Variants in ESYT3 observed in about 807,000 individuals in gnomAD.
The protein encoded by ESYT3 is extended synaptotagmin-3.
A neutral mutation model predicts 111.5 loss-of-function variants in ESYT3; 101 were observed. That is an observed-to-expected ratio of 0.91 (90% CI 0.77 to 1.07). The LOEUF is 1.07. Ranked by LOEUF, ESYT3 falls within the 50% of genes least tolerant of loss-of-function variation. The pLI, the probability that ESYT3 is intolerant of heterozygous loss-of-function variation, is 0.00. For missense variants in ESYT3, 1,097 were observed against 1,109.4 expected, an observed-to-expected ratio of 0.99 and a Z score of 0.16; for synonymous variants, 416 against 446.8, an observed-to-expected ratio of 0.93 and a Z score of 0.87.
chr3:138,460,565 G>C (rs1259764881), intron 6 of ESYT3, 46 bp from the exon 7 acceptor site: 1 of 1,606,752 alleles, frequency 6.2e-7, no homozygotes, highest in Non-Finnish European at 8.5e-7. Flanking sequence ...CTCAGCCCTG[G>C]GCTCCCAACC....
At chr3:138,468,745 C>G (rs779585418) in intron 13 of ESYT3, 28 bp downstream of exon 13, 1 of 1,613,976 alleles carries the variant, frequency 6.2e-7, no homozygotes, top group South Asian at 1.1e-5. Flanking sequence ...CAGAGTGTCA[C>G]ACAAACGCAA....
chr3:138,439,152 A>T (rs1461206482), intron 1 of ESYT3, among the ~76,000 whole-genome samples: 1 of 152,178 alleles, frequency 6.6e-6, no homozygotes, highest in Non-Finnish European at 1.5e-5. Context: ...ACTGTTTGAA[A>T]AGCTGCTTGC....
At position 138,459,951 on chromosome 3, in the gene ESYT3, G is replaced by A. The variant is rs1236903342; in HGVS notation, c.655G>A (p.Gly219Ser). 3.1e-6 allele frequency: 5 copies of A among 1,613,940 alleles called. No individual in the cohort carries two copies. Reference protein sequence around the residue: ...QAGVNGIQLQGTLRVILEPLL... With the variant: ...QAGVNGIQLQSTLRVILEPLL... ...GCCCTCTGTGCCTATCCAGTTGCAG[G>A]GCACCCTGCGGGTCATCCTGGAGCC... Residue 219 changes from glycine (G) to serine (S), a missense_variant, in exon 6 of 23, where the codon GGC (glycine) becomes AGC (serine). Gly to Ser is a moderately conservative substitution (Grantham distance 56, BLOSUM62 0). Transcript: ENST00000389567.
At chr3:138,451,245 C>G (rs775902022) in intron 1 of ESYT3, among the ~76,000 whole-genome samples, 2 of 152,182 alleles carry the variant, frequency 1.3e-5, no homozygotes, top group Middle Eastern at 6.8e-3. Flanking sequence ...GTTGTGACCC[C>G]GTAGTTGGAA....
Position 138,470,897 on chromosome 3 carries a change from G to A in ESYT3, c.1611G>A (p.Glu537=). The A allele has an allele frequency of 6.2e-7, 1 of 1,614,166 alleles. No individual in the cohort carries two copies. The highest frequency in any genetic ancestry group is 8.5e-7 in the Non-Finnish European group (1 of 1,180,020). The change falls in exon 17 of 23, where the codon GAG becomes GAA. Residue 537 remains glutamate, a synonymous_variant. Transcript: ENST00000389567. ...CCCAGGTGCTTGATGATGACCAGGA[G>A]TGTGCTCTGGGAATGCTGGAGGTCC... ...LHLKVLDDDQ[E]CALGMLEVPL...
At chr3:138,461,507 C>T (rs1211740677) in intron 7 of ESYT3, among the ~76,000 whole-genome samples, 2 of 152,186 alleles carry the variant, frequency 1.3e-5, no homozygotes, top group African/African-American at 4.8e-5. Context: ...GGGAGGGCTG[C>T]TGACTCGCTC....
chr3:138,458,454 T>C (rs959245233), intron 4 of ESYT3, among the ~76,000 whole-genome samples: 3 of 152,200 alleles, frequency 2.0e-5, no homozygotes, highest in Admixed American at 6.5e-5. Flanking sequence ...GGGGTCCCCA[T>C]CTTCCCCGTC....
chr3:138,457,693 TG>T, intron 4 of ESYT3, 49 bp downstream of exon 4: 1 of 1,554,586 alleles, frequency 6.4e-7, no homozygotes, highest in Non-Finnish European at 8.9e-7. Context: ...GGGGACACAG[TG>T]GGAACAGCCA....
chr3:138,450,474 T>C (rs1275492105), intron 1 of ESYT3, among the ~76,000 whole-genome samples: 1 of 152,186 alleles, frequency 6.6e-6, no homozygotes, highest in Non-Finnish European at 1.5e-5. Flanking sequence ...CAGCTGCACC[T>C]CTGGGAACCA....
downstream of ESYT3, chr3:138,480,961 AG>A: frequency 6.6e-6 from 1 of 152,228 alleles, no homozygotes; most frequent in Non-Finnish European, 1.5e-5. Flanking sequence ...TTTATGACAG[AG>A]GTAGCACTGT....
At chr3:138,444,421 A>G (rs1171449454) in intron 1 of ESYT3, among the ~76,000 whole-genome samples, 2 of 152,242 alleles carry the variant, frequency 1.3e-5, no homozygotes, top group Non-Finnish European at 2.9e-5. Context: ...GTTCTCACCT[A>G]TAATACATCA....
intron 2 of ESYT3, among the ~76,000 whole-genome samples, chr3:138,452,585 C>T (rs1212638833): frequency 6.6e-6 from 1 of 152,184 alleles, no homozygotes; most frequent in Non-Finnish European, 1.5e-5. Flanking sequence ...CTGGGAACTC[C>T]CCTTGGGCTC....
Position 138,478,770 on chromosome 3 carries a change from C to G in ESYT3, c.*1916C>G, listed in dbSNP as rs1285924318. The G allele has an allele frequency of 6.6e-6, 1 of 152,096 alleles. No homozygotes were observed. The highest frequency in any genetic ancestry group is 1.5e-5 in the Non-Finnish European group (1 of 68,046). 9.4% of individuals were successfully genotyped at this position (152,096 alleles called of 1,614,324 possible). A position where few individuals can be genotyped will look rare whatever the true frequency, so the allele number is the denominator to read the frequency against. ...TAGGCGCTGTGTGAGGGGCAGGGAG[C>G]CTGAAAAGTTGTTAATACCTTGGCT... is the stretch of plus-strand genomic sequence containing the variant. On this transcript the variant is annotated 3_prime_UTR_variant, in exon 23 of 23. Coordinates refer to ENST00000389567, the MANE Select transcript of ESYT3 (RefSeq NM_031913.5).
chr3:138,465,121 C>T (rs1269430702), intron 9 of ESYT3, among the ~76,000 whole-genome samples: 1 of 152,196 alleles, frequency 6.6e-6, no homozygotes, highest in African/African-American at 2.4e-5. Context: ...CAGCCACTGT[C>T]CCCTGGGCAC....
At chr3:138,451,571 C>T (rs1462979487) in intron 1 of ESYT3, among the ~76,000 whole-genome samples, 2 of 152,200 alleles carry the variant, frequency 1.3e-5, no homozygotes, top group African/African-American at 2.4e-5. Flanking sequence ...GGTTGGGGGT[C>T]CTGTGCTTCC....
At position 138,465,458 on chromosome 3, in the gene ESYT3, C is replaced by CCTT. The variant is rs1253266292; in HGVS notation, c.1169+39_1169+41dup. On this transcript the variant is annotated intron_variant, in intron 10 of 22. Transcript: ENST00000389567. ...GGCGCACAGCTGGGCCTGGAGGCAG[C>CCTT]CTTCCCTCCCTGCGGGGTGCTGGGC... 4 of 1,517,854 alleles carry CCTT rather than the reference C, an allele frequency of 2.6e-6. No individual in the cohort carries two copies. In the Admixed American group the frequency reaches 5.8e-5, roughly 22 times the overall value. 94.0% of individuals were successfully genotyped at this position (1,517,854 alleles called of 1,614,324 possible). A position where few individuals can be genotyped will look rare whatever the true frequency, so the allele number is the denominator to read the frequency against.
chr3:138,464,358 T>G lies in ESYT3; in HGVS notation c.929T>G (p.Val310Gly), dbSNP rs2032812796. The change falls in exon 9 of 23, where the codon GTG becomes GGG. Residue 310 changes from valine (V) to glycine (G), a missense_variant. Transcript: ENST00000389567. ...GACATTTTCCAGGGGGTGATCAGAG[T>G]GCACTTGCTGGAGGCAGAGCAGCTG... ...RFPLPCGVIR[V>G]HLLEAEQLAQ... The G allele has an allele frequency of 6.2e-7, 1 of 1,613,856 alleles. No individual in the cohort carries two copies. The highest frequency in any genetic ancestry group is 1.7e-5 in the Admixed American group (1 of 59,978).
chr3:138,473,061 A>G, intron 18 of ESYT3: 2 of 1,431,354 alleles, frequency 1.4e-6, no homozygotes, highest in South Asian at 1.5e-5. Context: ...CTAGCTGCGT[A>G]CTGACTATAA....
Position 138,464,506 on chromosome 3 carries a change from A to C in ESYT3, c.1077A>C (p.Glu359Asp). 1 of 1,613,982 alleles carries C rather than the reference A, an allele frequency of 6.2e-7. No individual in the cohort carries two copies. Among genetic ancestry groups the C allele is most frequent in the Non-Finnish European group, 8.5e-7 (1 of 1,179,950 alleles). ...GGAACCTGAACCCCACCTGGAACGA[A>C]GTGTTTGAGGTAAGGGTCTCCTTGG... ...IYRNLNPTWN[E>D]VFEFMVYEVP... Residue 359 changes from glutamate (E) to aspartate (D), a missense_variant, in exon 9 of 23, where the codon GAA becomes GAC. Glu to Asp is a conservative substitution (Grantham distance 45). Transcript: ENST00000389567.
Sources: allele counts gnomAD v4.1 joint callset (sites outside exome capture counted in the v4.1 genomes callset), GRCh38; gene constraint gnomAD v4.1.1; transcripts MANE v1.5; gene names NCBI Gene and HGNC (gene_info 2026-07-23, HGNC 2026-07-21).